XK: variants seen among roughly 807,000 people sequenced by gnomAD.
XK encodes the protein endoplasmic reticulum membrane adapter protein XK.
A neutral mutation model predicts 14.0 loss-of-function variants in XK; 2 were observed. That is an observed-to-expected ratio of 0.14 (90% CI 0.06 to 0.45). The LOEUF is 0.45. Ranked by LOEUF, XK falls within the 20% of genes least tolerant of loss-of-function variation. The pLI is 0.98. For synonymous variants in XK, 149 were observed against 147.5 expected (o/e 1.01, Z -0.08); for missense variants, 235 against 341.5 (o/e 0.69, Z 2.46).
intron 2 of XK, among the ~76,000 whole-genome samples, chrX:37,725,085 T>C (rs1927950902): frequency 9.0e-6 from 1 of 111,615 alleles, no homozygotes; most frequent in Non-Finnish European, 1.9e-5. Context: ...GAAAGAAATA[T>C]ACTGCATGAT....
At chrX:37,686,320 C>T in intron 1 of XK, 114 bp downstream of exon 1, 5 of 1,131,767 alleles carry the variant, frequency 4.4e-6, no homozygotes, top group East Asian at 3.3e-5. Flanking sequence ...GGTGGCTGAG[C>T]CCCAAGCCGG....
intron 2 of XK, among the ~76,000 whole-genome samples, chrX:37,722,002 T>C (rs1176086566): frequency 1.8e-5 from 2 of 111,574 alleles, no homozygotes; most frequent in Admixed American, 9.5e-5. Context: ...GGGAAAATTT[T>C]AAAGATAAAA....
At chrX:37,694,713 G>A (rs1556442247) in intron 2 of XK, among the ~76,000 whole-genome samples, 165 bp downstream of exon 2, 1 of 112,183 alleles carries the variant, frequency 8.9e-6, no homozygotes, top group African/African-American at 3.2e-5. Flanking sequence ...CGTTTATTTT[G>A]CTTATGACTC....
rs781946684 is a variant in XK at position 37,717,935 on chromosome X, G to A, written c.509-9701G>A. On this transcript the variant is annotated intron_variant, in intron 2 of 2. Transcript: ENST00000378616. ...ATTTTCTACTTGGCATTTTGCCAGG[G>A]TAGGGAAAAATATCTCTGAAACAAC... Among the ~76,000 whole-genome samples, 15 of 111,804 alleles carry A rather than the reference G, an allele frequency of 1.3e-4. No homozygotes were observed. The South Asian group carries it at 3.0e-3, about 22-fold the overall frequency.
At chrX:37,705,457 A>T (rs1927506155) in intron 2 of XK, among the ~76,000 whole-genome samples, 1 of 110,079 alleles carries the variant, frequency 9.1e-6, no homozygotes, top group South Asian at 3.8e-4. Context: ...GTCTCAAAAA[A>T]AAAAAAAATA....
intron 2 of XK, among the ~76,000 whole-genome samples, chrX:37,709,921 G>A (rs1927628548): frequency 9.0e-6 from 1 of 111,721 alleles, no homozygotes; most frequent in Non-Finnish European, 1.9e-5. Context: ...TTCAATTTCA[G>A]GCATGGATCA....
intron 2 of XK, among the ~76,000 whole-genome samples, chrX:37,716,847 C>G (rs1450665150): frequency 9.0e-6 from 1 of 111,481 alleles, no homozygotes; most frequent in African/African-American, 3.3e-5. Context: ...ACTGATGTCC[C>G]TTTTCTCTGC....
At chrX:37,701,569 A>C (rs1011715912) in intron 2 of XK, among the ~76,000 whole-genome samples, 1 of 112,793 alleles carries the variant, frequency 8.9e-6, no homozygotes, top group Non-Finnish European at 1.9e-5. Flanking sequence ...CTTTCTGGCC[A>C]TGTGATCTTG....
intron 2 of XK, among the ~76,000 whole-genome samples, chrX:37,714,856 C>T (rs1288642235): frequency 9.0e-6 from 1 of 110,722 alleles, no homozygotes; most frequent in Non-Finnish European, 1.9e-5. Flanking sequence ...GTGCCATATG[C>T]CTGGAAAGGG....
chrX:37,718,988 T>C (rs1927818423), intron 2 of XK, among the ~76,000 whole-genome samples: 1 of 111,469 alleles, frequency 9.0e-6, no homozygotes, highest in Non-Finnish European at 1.9e-5. Flanking sequence ...ATAGGATCAT[T>C]TCTTGTGGGC....
At chrX:37,690,954 G>A (rs929077260) in intron 1 of XK, among the ~76,000 whole-genome samples, 2 of 112,085 alleles carry the variant, frequency 1.8e-5, no homozygotes, top group Admixed American at 9.5e-5. Flanking sequence ...AGAATTCCAA[G>A]AATAGTAGTT....
intron 1 of XK, among the ~76,000 whole-genome samples, chrX:37,690,153 A>AT (rs1219664764): frequency 9.0e-5 from 10 of 111,073 alleles, no homozygotes; most frequent in South Asian, 3.7e-4. Context: ...TTTGAAGAGA[A>AT]TTTTTTTTTC....
intron 2 of XK, among the ~76,000 whole-genome samples, chrX:37,713,202 G>A (rs1414996577): frequency 8.9e-6 from 1 of 111,974 alleles, no homozygotes; most frequent in African/African-American, 3.2e-5. Flanking sequence ...TTGACTAGGG[G>A]CTGGCAATTT....
chrX:37,692,832 G>C (rs1215071824), intron 1 of XK, among the ~76,000 whole-genome samples: 1 of 112,216 alleles, frequency 8.9e-6, no homozygotes, highest in Non-Finnish European at 1.9e-5. Flanking sequence ...GCTTGGGATT[G>C]AACTCATGGC....
intron 1 of XK, among the ~76,000 whole-genome samples, chrX:37,688,959 A>G (rs781916757): frequency 8.9e-6 from 1 of 112,224 alleles, no homozygotes; most frequent in South Asian, 3.7e-4. Context: ...TTTTTACCAT[A>G]AAAATATTTT....
At chrX:37,725,596 G>T (rs112264654) in intron 2 of XK, among the ~76,000 whole-genome samples, 2,055 of 111,053 alleles carry the variant, frequency 0.019, 41 homozygotes, top group African/African-American at 0.064. Flanking sequence ...ACACCCATTG[G>T]TATTTACCCT....
chrX:37,707,527 G>C (rs1448831312), intron 2 of XK, among the ~76,000 whole-genome samples: 5 of 107,386 alleles, frequency 4.7e-5, no homozygotes, highest in African/African-American at 1.8e-4. Flanking sequence ...TCACTTCTCA[G>C]ACGGGGCGGC....
At chrX:37,707,630 C>T (rs1468368462) in intron 2 of XK, among the ~76,000 whole-genome samples, 1 of 109,844 alleles carries the variant, frequency 9.1e-6, no homozygotes, top group Non-Finnish European at 1.9e-5. Flanking sequence ...AGAGCCGCTC[C>T]CCACATCTCA....
intron 2 of XK, among the ~76,000 whole-genome samples, chrX:37,709,374 T>C (rs1556446184): frequency 8.9e-6 from 1 of 112,155 alleles, no homozygotes; most frequent in African/African-American, 3.2e-5. Context: ...AGAACAATGA[T>C]TCAAGTTGCT....
Sources: gnomAD v4.1 joint callset for allele counts (sites outside exome capture counted in the v4.1 genomes callset) on GRCh38, gnomAD v4.1.1 for gene constraint, MANE v1.5 for transcripts, NCBI Gene and HGNC (gene_info 2026-07-23, HGNC 2026-07-21) for gene names.